NR6A1: variants seen among roughly 807,000 people sequenced by gnomAD.
The protein encoded by NR6A1 is nuclear receptor subfamily 6 group A member 1.
A neutral mutation model predicts 59.1 loss-of-function variants in NR6A1; 7 were observed. That is an observed-to-expected ratio of 0.12 (90% CI 0.07 to 0.22). The LOEUF (loss-of-function observed/expected upper bound fraction) is 0.22, where lower values mean the gene tolerates loss of function less well. NR6A1 is among the 10% of genes least tolerant of loss of function. The pLI is 1.00. For synonymous variants in NR6A1, 243 were observed against 236.1 expected, an observed-to-expected ratio of 1.03 and a Z score of -0.27; for missense variants, 468 against 611.6, an observed-to-expected ratio of 0.77 and a Z score of 2.48.
At chr9:124,564,151 A>T (rs999241293) in intron 2 of NR6A1, among the ~76,000 whole-genome samples, 15 of 152,258 alleles carry the variant, frequency 9.9e-5, no homozygotes, top group African/African-American at 3.4e-4. Flanking sequence ...TTAATTTAAA[A>T]AAGTCTTTGA....
intron 2 of NR6A1, among the ~76,000 whole-genome samples, chr9:124,633,273 C>G (rs1023164127): frequency 6.6e-6 from 1 of 151,482 alleles, no homozygotes; most frequent in African/African-American, 2.4e-5. Flanking sequence ...CATGGTGGCG[C>G]GCGCCTGTAG....
intron 2 of NR6A1, among the ~76,000 whole-genome samples, chr9:124,677,847 G>C (rs2130984843): frequency 6.6e-6 from 1 of 151,902 alleles, no homozygotes; most frequent in Non-Finnish European, 1.5e-5. Flanking sequence ...AAGTATTTTG[G>C]CTACAGTGAC....
intron 2 of NR6A1, among the ~76,000 whole-genome samples, chr9:124,583,338 C>A (rs750361461): frequency 2.6e-5 from 4 of 152,124 alleles, no homozygotes; most frequent in Non-Finnish European, 5.9e-5. Context: ...ACCACTTAAC[C>A]GAGGCCTCTC....
chr9:124,575,172 T>C (rs1011794643), intron 2 of NR6A1, among the ~76,000 whole-genome samples: 1 of 152,192 alleles, frequency 6.6e-6, no homozygotes, highest in Non-Finnish European at 1.5e-5. Flanking sequence ...TTGGTGAGGA[T>C]TAAGCTAGGC....
At chr9:124,692,557 G>A (rs146502365) in intron 2 of NR6A1, 80 of 503,278 alleles carry the variant, frequency 1.6e-4, no homozygotes, top group Admixed American at 1.4e-3. Context: ...CCTTACAGAC[G>A]ACACTACATT....
At chr9:124,528,944 T>A (rs1381920546) in intron 7 of NR6A1, among the ~76,000 whole-genome samples, 1 of 152,218 alleles carries the variant, frequency 6.6e-6, no homozygotes, top group African/African-American at 2.4e-5. Context: ...GACTTGAACA[T>A]CTGTAGATTT....
At chr9:124,670,836 T>G (rs1837773116) in intron 2 of NR6A1, among the ~76,000 whole-genome samples, 1 of 152,088 alleles carries the variant, frequency 6.6e-6, no homozygotes. Context: ...ATTTAGCAAC[T>G]GGATAGAAGA....
At chr9:124,588,662 G>A (rs1246921804) in intron 2 of NR6A1, among the ~76,000 whole-genome samples, 2 of 146,450 alleles carry the variant, frequency 1.4e-5, no homozygotes, top group Non-Finnish European at 3.0e-5. Flanking sequence ...GCTCACGCCG[G>A]TAATCCCAGC....
chr9:124,630,505 G>A (rs1836400427), intron 2 of NR6A1, among the ~76,000 whole-genome samples: 1 of 151,212 alleles, frequency 6.6e-6, no homozygotes, highest in Admixed American at 6.6e-5. Flanking sequence ...CAAAGTGCTG[G>A]GATTACAGGT....
chr9:124,729,985 G>GT (rs1839836292), intron 2 of NR6A1, among the ~76,000 whole-genome samples: 2 of 151,702 alleles, frequency 1.3e-5, no homozygotes, highest in Admixed American at 1.3e-4. Context: ...AGCTAATTTT[G>GT]TTTTTTTAGT....
At chr9:124,561,171 C>T (rs1834075121) in intron 2 of NR6A1, among the ~76,000 whole-genome samples, 1 of 152,140 alleles carries the variant, frequency 6.6e-6, no homozygotes, top group Non-Finnish European at 1.5e-5. Flanking sequence ...CACAGTGGCT[C>T]ATGCCTGTGA....
At chr9:124,540,832 C>A (rs186656702) in intron 4 of NR6A1, among the ~76,000 whole-genome samples, 5 of 152,010 alleles carry the variant, frequency 3.3e-5, no homozygotes, top group African/African-American at 1.2e-4. Context: ...AAACAAAAAA[C>A]CCCAAATGTC....
intron 1 of NR6A1, among the ~76,000 whole-genome samples, chr9:124,735,249 G>A (rs944281723): frequency 2.0e-5 from 3 of 152,128 alleles, no homozygotes; most frequent in African/African-American, 7.2e-5. Context: ...TGGTAAAAAT[G>A]ACTCATCCTT....
rs548054202 is a variant in NR6A1 at position 124,689,788 on chromosome 9, C to T, written c.142+43520G>A. ...CTTTTAAAGCTCAAACCAGGTTAAC[C>T]TACTTAGATATACCTTTCCTGGCAC... On this transcript the variant is annotated intron_variant, in intron 2 of 9. Transcript: ENST00000487099. 1.0e-3 allele frequency among the ~76,000 whole-genome samples: 159 copies of T among 152,298 alleles called. 1 individual carries two copies. The highest frequency in any genetic ancestry group is 3.7e-3 in the African/African-American group (155 of 41,562).
intron 2 of NR6A1, among the ~76,000 whole-genome samples, chr9:124,609,943 T>A (rs1437393300): frequency 1.3e-5 from 2 of 152,224 alleles, no homozygotes; most frequent in Non-Finnish European, 2.9e-5. Flanking sequence ...TGCTTGTGAT[T>A]TTTGCACATT....
At chr9:124,736,374 T>C (rs76712258) in intron 1 of NR6A1, among the ~76,000 whole-genome samples, 8 of 152,318 alleles carry the variant, frequency 5.3e-5, no homozygotes, top group Non-Finnish European at 8.8e-5. Context: ...GTAAAATATT[T>C]AAGATGGACA....
chr9:124,660,723 C>T (rs1837407984), intron 2 of NR6A1, among the ~76,000 whole-genome samples: 1 of 151,282 alleles, frequency 6.6e-6, no homozygotes, highest in South Asian at 2.1e-4. Context: ...TAACCACCTC[C>T]AATGTCATAA....
intron 2 of NR6A1, among the ~76,000 whole-genome samples, chr9:124,651,517 G>C (rs373681759): frequency 1.3e-5 from 2 of 152,190 alleles, no homozygotes; most frequent in Admixed American, 1.3e-4. Flanking sequence ...TAAGAATGCT[G>C]TAAGAATTCA....
In NR6A1 at chr9:124,521,874, C is replaced by T. The variant is rs901022610; in HGVS notation, c.*831G>A. 1.3e-5 allele frequency: 2 copies of T among 152,140 alleles called. No homozygotes were observed. The highest frequency in any genetic ancestry group is 4.8e-5 in the African/African-American group (2 of 41,374). 9.4% of individuals were successfully genotyped at this position (152,140 alleles called of 1,614,324 possible). On this transcript the variant is annotated 3_prime_UTR_variant, in exon 10 of 10. Coordinates refer to ENST00000487099, the MANE Select transcript of NR6A1 (RefSeq NM_033334.4). ...GTAAGGAAACTAGGTAGCTGGGGGCCCCGAGGGAGCTGGGAGGCGAGTCCT... is the reference window on the plus strand; with the variant it reads ...GTAAGGAAACTAGGTAGCTGGGGGCTCCGAGGGAGCTGGGAGGCGAGTCCT...
Sources: allele counts gnomAD v4.1 joint callset (sites outside exome capture counted in the v4.1 genomes callset), GRCh38; gene constraint gnomAD v4.1.1; transcripts MANE v1.5; gene names NCBI Gene and HGNC (gene_info 2026-07-23, HGNC 2026-07-21).